The following ASTN2 variants were observed in gnomAD, a reference collection of about 807,000 sequenced individuals.
ASTN2 encodes astrotactin 2, also known as astrotactin-2.
Under a neutral mutation model 139.8 loss-of-function variants are expected in ASTN2, and 54 were observed. The ratio of observed to expected loss-of-function variants is 0.39; its 90% CI spans 0.31 to 0.48. The LOEUF is 0.48. Ranked by LOEUF, ASTN2 falls within the 20% of genes least tolerant of loss-of-function variation. The pLI is 0.95. For synonymous variants in ASTN2, 756 were observed against 719.5 expected (o/e 1.05, Z -0.81); for missense variants, 1,565 against 1,725.1 (o/e 0.91, Z 1.64).
At chr9:116,909,498 G>A (rs1363169978) in intron 10 of ASTN2, among the ~76,000 whole-genome samples, 1 of 151,830 alleles carries the variant, frequency 6.6e-6, no homozygotes, top group Non-Finnish European at 1.5e-5. Context: ...CAGGTTGAGG[G>A]AATAATGAGT....
chr9:116,908,644 A>G (rs1371361749), intron 10 of ASTN2, among the ~76,000 whole-genome samples: 1 of 152,186 alleles, frequency 6.6e-6, no homozygotes, highest in Non-Finnish European at 1.5e-5. Flanking sequence ...GCATCAAACT[A>G]CAGAGAGAGG....
intron 3 of ASTN2, among the ~76,000 whole-genome samples, chr9:117,209,985 A>G (rs1415880791): frequency 6.6e-6 from 1 of 152,164 alleles, no homozygotes; most frequent in Non-Finnish European, 1.5e-5. Flanking sequence ...TTAAGAATAA[A>G]ATTTGAAAAT....
At position 117,008,219 on chromosome 9, in the gene ASTN2, G is replaced by T. The variant is rs1320526933; in HGVS notation, c.1464C>A (p.Ile488=). 4.3e-6 allele frequency: 7 copies of T among 1,609,974 alleles called. No homozygotes were observed. The highest frequency in any genetic ancestry group is 4.2e-6 in the Non-Finnish European group (5 of 1,178,022). The change falls in exon 7 of 23, where the codon ATC becomes ATA. Residue 488 remains isoleucine (I), a synonymous_variant. Coordinates refer to ENST00000313400, the MANE Select transcript of ASTN2 (RefSeq NM_001365068.1). The stretch of plus-strand genomic sequence containing the variant: ...GCTTGGCCGGGTTTAACCAGTCGGA[G>T]ATGTCCAGGTAGCTCCCTTCACTCA... ...FVVSEGSYLD[I]SDWLNPAKLS...
intron 17 of ASTN2, among the ~76,000 whole-genome samples, chr9:116,646,522 C>T (rs1356853389): frequency 2.0e-5 from 3 of 152,116 alleles, no homozygotes; most frequent in Admixed American, 2.0e-4. Flanking sequence ...TTCCCACCAG[C>T]GTTGTTTTGT....
chr9:116,435,936 G>T (rs1470382411), intron 22 of ASTN2, among the ~76,000 whole-genome samples: 1 of 151,992 alleles, frequency 6.6e-6, no homozygotes, highest in Non-Finnish European at 1.5e-5. Flanking sequence ...AATGTAACAA[G>T]TCCTCAGGTG....
At chr9:116,936,912 G>C (rs1404791724) in intron 10 of ASTN2, among the ~76,000 whole-genome samples, 1 of 152,200 alleles carries the variant, frequency 6.6e-6, no homozygotes, top group African/African-American at 2.4e-5. Flanking sequence ...TGGACAAATT[G>C]TTAGATGTGA....
chr9:116,593,206 C>CG (rs2131736254), intron 19 of ASTN2, among the ~76,000 whole-genome samples: 1 of 152,248 alleles, frequency 6.6e-6, no homozygotes, highest in Non-Finnish European at 1.5e-5. Context: ...AGGCTGGGTG[C>CG]GGTAACATCT....
intron 10 of ASTN2, among the ~76,000 whole-genome samples, chr9:116,917,177 T>C (rs11792136): frequency 0.013 from 2,030 of 152,314 alleles, 25 homozygotes; most frequent in Non-Finnish European, 0.019. Flanking sequence ...CCTGTAGATG[T>C]TAGATCAACT....
chr9:117,213,429 A>T (rs1832206496), intron 3 of ASTN2, among the ~76,000 whole-genome samples: 3 of 152,194 alleles, frequency 2.0e-5, no homozygotes, highest in African/African-American at 4.8e-5. Flanking sequence ...CATAGTTTCA[A>T]ATAACTAGGA....
intron 13 of ASTN2, among the ~76,000 whole-genome samples, chr9:116,794,648 C>G (rs1167812408): frequency 6.6e-6 from 1 of 152,180 alleles, no homozygotes; most frequent in East Asian, 1.9e-4. Flanking sequence ...CTTCAATTTT[C>G]TCATGTAAAG....
intron 19 of ASTN2, among the ~76,000 whole-genome samples, chr9:116,518,732 G>C (rs1311640770): frequency 6.6e-6 from 1 of 152,108 alleles, no homozygotes; most frequent in Non-Finnish European, 1.5e-5. Context: ...TGGCAAAATG[G>C]ATAAGAATTC....
chr9:116,978,153 G>A (rs1007383673), intron 7 of ASTN2, among the ~76,000 whole-genome samples: 3 of 152,168 alleles, frequency 2.0e-5, no homozygotes, highest in Non-Finnish European at 4.4e-5. Flanking sequence ...CTCAAAGCCA[G>A]TGTAGTGTGA....
intron 13 of ASTN2, among the ~76,000 whole-genome samples, chr9:116,757,503 G>T (rs985719731): frequency 1.4e-4 from 22 of 152,170 alleles, no homozygotes; most frequent in Admixed American, 7.9e-4. Flanking sequence ...ACCAGAGGAG[G>T]ATGGGGTCTT....
intron 16 of ASTN2, among the ~76,000 whole-genome samples, chr9:116,673,363 T>C (rs894164854): frequency 6.6e-6 from 1 of 152,178 alleles, no homozygotes; most frequent in Non-Finnish European, 1.5e-5. Flanking sequence ...GTTATCCCTA[T>C]TTTAAAGACA....
rs1259458940 is a variant in ASTN2 at position 117,141,458 on chromosome 9, C to G, written c.1036G>C (p.Glu346Gln). The change falls in exon 4 of 23, where the codon GAG (glutamate) becomes CAG (glutamine). Residue 346 changes from glutamate (E) to glutamine (Q), a missense_variant. Physicochemically the swap from Glu to Gln is conservative, Grantham distance 29. Transcript: ENST00000313400. ...EKKAAAEATQ[E>Q]TVESLMQKFK... ...TTCTGCATCAGGGACTCCACTGTCTCCTGAGTCGCCTCAGCTGCTGCTATA... is the reference window on the plus strand; with the variant it reads ...TTCTGCATCAGGGACTCCACTGTCTGCTGAGTCGCCTCAGCTGCTGCTATA... 7.3e-7 allele frequency: 1 copy of G among 1,367,270 alleles called. No homozygotes were observed. The highest frequency in any genetic ancestry group is 4.6e-5 in the East Asian group (1 of 21,918). The allele number at this position is 1,367,270 out of a possible 1,614,324, so 84.7% of individuals were successfully genotyped here.
intron 1 of ASTN2, among the ~76,000 whole-genome samples, chr9:117,298,932 A>C (rs961390112): frequency 6.6e-6 from 1 of 152,082 alleles, no homozygotes; most frequent in Non-Finnish European, 1.5e-5. Context: ...GACAGAGAGA[A>C]GAGACAGCAA....
intron 7 of ASTN2, among the ~76,000 whole-genome samples, chr9:116,977,466 C>T (rs1836374995): frequency 6.6e-6 from 1 of 151,964 alleles, no homozygotes; most frequent in African/African-American, 2.4e-5. Context: ...TCCATCCATC[C>T]AACCATCCAT....
chr9:116,428,384 C>T (rs182800815), intron 22 of ASTN2, among the ~76,000 whole-genome samples: 16 of 152,110 alleles, frequency 1.1e-4, no homozygotes, highest in South Asian at 1.0e-3. Flanking sequence ...TTTAGCTGGG[C>T]GTGGTGGTGG....
chr9:116,603,197 C>A (rs1854998971), intron 19 of ASTN2, among the ~76,000 whole-genome samples: 1 of 152,038 alleles, frequency 6.6e-6, no homozygotes, highest in African/African-American at 2.4e-5. Context: ...GAAATATGAA[C>A]CATGGACTCT....
Sources: gnomAD v4.1 joint callset for allele counts (sites outside exome capture counted in the v4.1 genomes callset) on GRCh38, gnomAD v4.1.1 for gene constraint, MANE v1.5 for transcripts, NCBI Gene and HGNC (gene_info 2026-07-23, HGNC 2026-07-21) for gene names.